TMEFF2: variants seen among roughly 807,000 people sequenced by gnomAD.
The protein encoded by TMEFF2 is tomoregulin-2.
In TMEFF2, 28 loss-of-function variants were observed where a neutral mutation model predicts 53.8. That is an observed-to-expected ratio of 0.52 (90% CI 0.39 to 0.71). The LOEUF (loss-of-function observed/expected upper bound fraction) is 0.71, where lower values mean the gene tolerates loss of function less well. TMEFF2 is among the 30% of genes least tolerant of loss of function. The pLI is 0.00. For synonymous variants in TMEFF2, 162 were observed against 166.3 expected, an observed-to-expected ratio of 0.97 and a Z score of 0.20; for missense variants, 353 against 455.2, an observed-to-expected ratio of 0.78 and a Z score of 2.04.
At chr2:192,175,406 T>C (rs1691016728) in intron 4 of TMEFF2, among the ~76,000 whole-genome samples, 1 of 151,646 alleles carries the variant, frequency 6.6e-6, no homozygotes, top group Non-Finnish European at 1.5e-5. Context: ...ACATCTTTGG[T>C]AATGTTATAT....
At chr2:191,986,077 C>T (rs982843441) in intron 7 of TMEFF2, among the ~76,000 whole-genome samples, 7 of 152,146 alleles carry the variant, frequency 4.6e-5, no homozygotes, top group African/African-American at 7.2e-5. Context: ...CCATGAGCAA[C>T]ACAACAGTTT....
At chr2:191,960,009 T>C (rs950736476) in intron 7 of TMEFF2, among the ~76,000 whole-genome samples, 1 of 152,132 alleles carries the variant, frequency 6.6e-6, no homozygotes, top group African/African-American at 2.4e-5. Context: ...CCCTCTTAGG[T>C]GGGACTATAG....
Position 192,115,021 on chromosome 2 carries a change from T to A in TMEFF2, c.440-57246A>T, listed in dbSNP as rs140776848. The stretch of plus-strand genomic sequence containing the variant: ...TTAAAGTCCATACTACCCAAAGTGA[T>A]CTACAGATTCAATGCAATCCCTATC... On this transcript the variant is annotated intron_variant, in intron 4 of 9. Transcript: ENST00000272771. Among the ~76,000 whole-genome samples, 1,511 of 152,088 alleles carry A rather than the reference T, an allele frequency of 9.9e-3. 15 individuals are homozygous for A. The highest frequency in any genetic ancestry group is 0.019 in the Admixed American group (290 of 15,246).
At chr2:192,041,199 G>GCT (rs1487368267) in intron 5 of TMEFF2, among the ~76,000 whole-genome samples, 1 of 152,102 alleles carries the variant, frequency 6.6e-6, no homozygotes, top group Non-Finnish European at 1.5e-5. Context: ...GAAACTACCT[G>GCT]CAAACCATAT....
rs1553518818 is a variant in TMEFF2 at position 192,075,310 on chromosome 2, T to TATAAATATATATATATATAAATATAA, written c.440-17536_440-17535insTTATATTTATATATATATATATTTAT. ...TTATATATATATATATATATATATA[T>TATAAATATATATATATATAAATATAA]ATATATATATATATATATATATACA... On this transcript the variant is annotated intron_variant, in intron 4 of 9. Coordinates refer to ENST00000272771, the MANE Select transcript of TMEFF2 (RefSeq NM_016192.4). Among the ~76,000 whole-genome samples, 183 of 74,886 alleles carry TATAAATATATATATATATAAATATAA rather than the reference T, an allele frequency of 2.4e-3. 5 individuals carry two copies. The highest frequency in any genetic ancestry group is 5.5e-3 in the South Asian group (14 of 2,546). 49.1% of individuals were successfully genotyped at this position (74,886 alleles called of 152,430 possible).
intron 5 of TMEFF2, 46 bp from the exon 6 acceptor site, chr2:191,999,254 TACC>T (rs1420398158): frequency 2.8e-6 from 4 of 1,439,534 alleles, no homozygotes; most frequent in Non-Finnish European, 2.8e-6. Flanking sequence ...ATAGTGTTGT[TACC>T]ACATTATAAA....
intron 7 of TMEFF2, among the ~76,000 whole-genome samples, chr2:191,991,692 G>A (rs987632832): frequency 6.6e-6 from 1 of 152,106 alleles, no homozygotes; most frequent in Non-Finnish European, 1.5e-5. Context: ...AAGTAACACT[G>A]CAAGGTGAAC....
rs144246685 is a variant in TMEFF2 at position 192,091,688 on chromosome 2, GT to G, written c.440-33914del. On this transcript the variant is annotated intron_variant, in intron 4 of 9. Transcript: ENST00000272771. ...CGTCACTTTATGGGCAGTAAGATTA[GT>G]TTTTTTTTTCAAGTGCAATTTATCT... 4.5e-3 allele frequency among the ~76,000 whole-genome samples: 670 copies of G among 148,652 alleles called. 21 individuals are homozygous for G. The highest frequency in any genetic ancestry group is 0.041 in the Admixed American group (615 of 14,870).
chr2:192,128,401 A>G (rs961655318), intron 4 of TMEFF2, among the ~76,000 whole-genome samples: 1 of 152,224 alleles, frequency 6.6e-6, no homozygotes, highest in African/African-American at 2.4e-5. Context: ...TTTACTTTTA[A>G]TATTGCCTAT....
chr2:192,069,622 C>T (rs1042114246), intron 4 of TMEFF2, among the ~76,000 whole-genome samples: 9 of 151,766 alleles, frequency 5.9e-5, no homozygotes, highest in Non-Finnish European at 1.2e-4. Flanking sequence ...GCTTACGAAA[C>T]CATTAGCTCA....
intron 7 of TMEFF2, among the ~76,000 whole-genome samples, chr2:191,957,499 C>T (rs960642922): frequency 1.3e-5 from 2 of 152,040 alleles, no homozygotes; most frequent in Non-Finnish European, 2.9e-5. Context: ...TTAGCAGTCA[C>T]GGATGATAAG....
At chr2:192,136,038 C>A (rs1246492411) in intron 4 of TMEFF2, among the ~76,000 whole-genome samples, 1 of 152,098 alleles carries the variant, frequency 6.6e-6, no homozygotes, top group Admixed American at 6.6e-5. Context: ...CCCACCTGCA[C>A]CCAGGTGAAA....
intron 4 of TMEFF2, among the ~76,000 whole-genome samples, chr2:192,061,332 C>T (rs1340326425): frequency 6.6e-6 from 1 of 151,546 alleles, no homozygotes; most frequent in Non-Finnish European, 1.5e-5. Context: ...CAAATTCAGC[C>T]AATCTTGAAT....
chr2:192,190,394 T>C (rs1287822129), intron 2 of TMEFF2, among the ~76,000 whole-genome samples: 1 of 152,174 alleles, frequency 6.6e-6, no homozygotes, highest in Non-Finnish European at 1.5e-5. Context: ...TCTGGGACTT[T>C]AATTAATGAT....
Position 192,102,427 on chromosome 2 carries a change from C to G in TMEFF2, c.440-44652G>C, listed in dbSNP as rs143254829. ...CCACGGGTGTGCCTCAACTCCAAGC[C>G]TATTTTCCATGCTTCTCTTTCTCCT... On this transcript the variant is annotated intron_variant, in intron 4 of 9. Coordinates refer to ENST00000272771, the MANE Select transcript of TMEFF2 (RefSeq NM_016192.4). 8.9e-4 allele frequency among the ~76,000 whole-genome samples: 135 copies of G among 152,076 alleles called. 3 individuals carry two copies. The South Asian group carries it at 0.027, about 30-fold the overall frequency.
At chr2:192,051,509 C>T (rs1005374566) in intron 5 of TMEFF2, among the ~76,000 whole-genome samples, 6 of 152,162 alleles carry the variant, frequency 3.9e-5, no homozygotes, top group African/African-American at 1.4e-4. Flanking sequence ...CAATTGTCAA[C>T]CAGGAGTGGT....
At position 192,037,276 on chromosome 2, in the gene TMEFF2, A is replaced by G. The variant is rs867011649; in HGVS notation, c.536+20403T>C. On this transcript the variant is annotated intron_variant, in intron 5 of 9. Coordinates refer to ENST00000272771, the MANE Select transcript of TMEFF2 (RefSeq NM_016192.4). ...GCACTTCTAAGACTAGCCAAAATAA[A>G]GAAAGAAAGAAAGAAAGAAAGAAAG... Among the ~76,000 whole-genome samples, 632 of 106,742 alleles carry G rather than the reference A, an allele frequency of 5.9e-3. 5 individuals are homozygous for G. The highest frequency in any genetic ancestry group is 8.3e-3 in the Admixed American group (89 of 10,782). 70.0% of individuals were successfully genotyped at this position (106,742 alleles called of 152,430 possible).
At chr2:192,049,249 T>G (rs1310475296) in intron 5 of TMEFF2, among the ~76,000 whole-genome samples, 1 of 152,052 alleles carries the variant, frequency 6.6e-6, no homozygotes. Flanking sequence ...GAGCATGGAG[T>G]CTGCCTGGCT....
At chr2:191,964,338 TTCTTTCTTTCTTTC>T (rs1692373837) in intron 7 of TMEFF2, among the ~76,000 whole-genome samples, 1 of 39,966 alleles carries the variant, frequency 2.5e-5, no homozygotes, top group African/African-American at 8.2e-5. Context: ...CTTTCCTTCT[TTCTTTCTTTCTTTC>T]TTTCTTTCTT....
Sources: gnomAD v4.1 joint callset for allele counts (sites outside exome capture counted in the v4.1 genomes callset) on GRCh38, gnomAD v4.1.1 for gene constraint, MANE v1.5 for transcripts, NCBI Gene and HGNC (gene_info 2026-07-23, HGNC 2026-07-21) for gene names.